PTPRD: variants seen among roughly 807,000 people sequenced by gnomAD.
PTPRD encodes the protein protein tyrosine phosphatase receptor type D, also known as receptor-type tyrosine-protein phosphatase delta.
Under a neutral mutation model 214.5 loss-of-function variants are expected in PTPRD, and 34 were observed. The observed-to-expected ratio is 0.16, with a 90% CI of 0.12 to 0.21. The LOEUF (loss-of-function observed/expected upper bound fraction) is 0.21. Among genes scored for constraint, PTPRD ranks in the 10% least tolerant of loss-of-function variants. The pLI, the probability that PTPRD is intolerant of heterozygous loss-of-function variation, is 1.00. For synonymous variants in PTPRD, 1,128 were observed against 845.7 expected, an observed-to-expected ratio of 1.33 and a Z score of -5.79; for missense variants, 2,545 against 2,398.7, an observed-to-expected ratio of 1.06 and a Z score of -1.27.
chr9:8,735,037 G>A (rs116713996), intron 11 of PTPRD, among the ~76,000 whole-genome samples: 77 of 152,176 alleles, frequency 5.1e-4, no homozygotes, highest in African/African-American at 1.6e-3. Flanking sequence ...GGGGCCCCCT[G>A]GAAGCCTTCT....
intron 7 of PTPRD, among the ~76,000 whole-genome samples, chr9:9,625,029 T>G (rs1315756863): frequency 6.6e-6 from 1 of 152,202 alleles, no homozygotes; most frequent in Admixed American, 6.5e-5. Flanking sequence ...AAATAACCAC[T>G]GTTGTTAAAT....
chr9:9,792,279 A>G (rs1487506240), intron 5 of PTPRD, among the ~76,000 whole-genome samples: 1 of 152,136 alleles, frequency 6.6e-6, no homozygotes, highest in African/African-American at 2.4e-5. Flanking sequence ...GTAGCACTGA[A>G]CCACTTGCCA....
At chr9:8,421,570 A>G (rs1021092158) in intron 35 of PTPRD, among the ~76,000 whole-genome samples, 2 of 152,142 alleles carry the variant, frequency 1.3e-5, no homozygotes, top group African/African-American at 4.8e-5. Context: ...CAAACAGCGA[A>G]TCAAATCTGC....
chr9:9,124,838 T>C lies in PTPRD; in HGVS notation c.-143+58466A>G, dbSNP rs113925060. On this transcript the variant is annotated intron_variant, in intron 10 of 45. Transcript: ENST00000381196. ...CAAATCTGGGCAATTTTCCCTATATTACACAGATGTTAAAATTGTTGCAAA... is the reference window on the plus strand; with the variant it reads ...CAAATCTGGGCAATTTTCCCTATATCACACAGATGTTAAAATTGTTGCAAA... Among the ~76,000 whole-genome samples, 1,287 of 152,290 alleles carry C rather than the reference T, an allele frequency of 8.5e-3. 15 individuals are homozygous for C. The highest frequency in any genetic ancestry group is 0.028 in the African/African-American group (1,180 of 41,552).
At chr9:8,915,816 G>C (rs1393930242) in intron 11 of PTPRD, among the ~76,000 whole-genome samples, 1 of 152,194 alleles carries the variant, frequency 6.6e-6, no homozygotes, top group Non-Finnish European at 1.5e-5. Flanking sequence ...GGAAGAGCAA[G>C]CTGCCAATTC....
At chr9:10,481,757 C>T (rs1475408761) in intron 2 of PTPRD, among the ~76,000 whole-genome samples, 1 of 152,010 alleles carries the variant, frequency 6.6e-6, no homozygotes, top group African/African-American at 2.4e-5. Flanking sequence ...GGCTAAAAAT[C>T]TCAGAATATA....
chr9:9,942,135 C>T (rs1215015754), intron 4 of PTPRD, among the ~76,000 whole-genome samples: 2 of 152,128 alleles, frequency 1.3e-5, no homozygotes, highest in East Asian at 1.9e-4. Context: ...CATTTCCCAC[C>T]CTCACCAAAA....
chr9:9,450,986 C>CACACAG (rs888328014), intron 8 of PTPRD, among the ~76,000 whole-genome samples: 190 of 150,740 alleles, frequency 1.3e-3, no homozygotes, highest in African/African-American at 4.4e-3. Flanking sequence ...CACACACACA[C>CACACAG]AGACACACAG....
At chr9:10,425,357 C>T (rs2098603345) in intron 2 of PTPRD, among the ~76,000 whole-genome samples, 1 of 151,890 alleles carries the variant, frequency 6.6e-6, no homozygotes, top group Non-Finnish European at 1.5e-5. Context: ...CTTCTATTAC[C>T]TATCATAGTC....
chr9:9,067,986 C>T (rs541783148), intron 10 of PTPRD, among the ~76,000 whole-genome samples: 2 of 152,298 alleles, frequency 1.3e-5, no homozygotes, highest in African/African-American at 4.8e-5. Context: ...TCTTCCCCAC[C>T]TCTCCCGGCT....
intron 14 of PTPRD, among the ~76,000 whole-genome samples, chr9:8,607,248 A>C (rs745427706): frequency 6.6e-6 from 1 of 152,230 alleles, no homozygotes; most frequent in Non-Finnish European, 1.5e-5. Context: ...GTCATTCCAC[A>C]GTGTATATAT....
intron 11 of PTPRD, among the ~76,000 whole-genome samples, chr9:8,925,710 C>T (rs2098878722): frequency 6.6e-6 from 1 of 151,438 alleles, no homozygotes; most frequent in Non-Finnish European, 1.5e-5. Context: ...TACGCCACAC[C>T]TCTAGGCACC....
At chr9:8,821,752 G>A (rs543942899) in intron 11 of PTPRD, among the ~76,000 whole-genome samples, 91 of 152,190 alleles carry the variant, frequency 6.0e-4, no homozygotes, top group African/African-American at 1.5e-3. Context: ...GGCAACCTCC[G>A]CCTCCCAGGT....
chr9:9,323,422 T>C (rs1043814003), intron 9 of PTPRD, among the ~76,000 whole-genome samples: 1 of 152,174 alleles, frequency 6.6e-6, no homozygotes, highest in Non-Finnish European at 1.5e-5. Flanking sequence ...AAATGGAGGC[T>C]TAGAGAAGTT....
intron 9 of PTPRD, among the ~76,000 whole-genome samples, chr9:9,350,078 G>A (rs2050524618): frequency 6.6e-6 from 1 of 152,048 alleles, no homozygotes; most frequent in South Asian, 2.1e-4. Context: ...CAGGAGCTAT[G>A]CTCCAGAGTG....
At chr9:10,504,471 G>A (rs12353386) in intron 2 of PTPRD, among the ~76,000 whole-genome samples, 8 of 152,150 alleles carry the variant, frequency 5.3e-5, no homozygotes, top group Non-Finnish European at 8.8e-5. Context: ...TATTGCCTCA[G>A]AAACGATGGA....
intron 4 of PTPRD, among the ~76,000 whole-genome samples, chr9:10,030,414 G>C (rs548188499): frequency 2.6e-5 from 4 of 152,148 alleles, no homozygotes; most frequent in African/African-American, 9.7e-5. Context: ...CTATCGAATA[G>C]ATATGTTGAT....
chr9:9,978,448 C>A lies in PTPRD; in HGVS notation c.-471-39838G>T, dbSNP rs530550198. On this transcript the variant is annotated intron_variant, in intron 4 of 45. Coordinates refer to ENST00000381196, the MANE Select transcript of PTPRD (RefSeq NM_002839.4). ...AATGGATACATAAGTACTCGGACTT[C>A]ATCTAGCTAAGGAAAAAAATAAAAT... Among the ~76,000 whole-genome samples, 4 of 152,036 alleles carry A rather than the reference C, an allele frequency of 2.6e-5. No individual in the cohort carries two copies. In the East Asian group the frequency reaches 7.7e-4, roughly 29 times the overall value.
chr9:8,413,204 A>C (rs1266417659), intron 35 of PTPRD, among the ~76,000 whole-genome samples: 1 of 152,154 alleles, frequency 6.6e-6, no homozygotes, highest in Non-Finnish European at 1.5e-5. Flanking sequence ...TTAGGCTTTC[A>C]TCATTGCTTT....
Sources: allele counts gnomAD v4.1 joint callset (sites outside exome capture counted in the v4.1 genomes callset), GRCh38; gene constraint gnomAD v4.1.1; transcripts MANE v1.5; gene names NCBI Gene and HGNC (gene_info 2026-07-23, HGNC 2026-07-21).